The following PSME4 variants were observed in gnomAD, a reference collection of about 807,000 sequenced individuals.
PSME4 encodes the protein proteasome activator subunit 4.
PSME4 carries 89 observed loss-of-function variants against 253.9 expected under a neutral mutation model. The observed-to-expected ratio is 0.35, with a 90% confidence interval of 0.30 to 0.42. The LOEUF is 0.42. Ranked by LOEUF, PSME4 falls within the 10% of genes least tolerant of loss-of-function variation. The pLI, the probability that PSME4 is intolerant of heterozygous loss-of-function variation, is 1.00. For missense variants in PSME4, 2,014 were observed against 2,195.2 expected, an observed-to-expected ratio of 0.92 and a Z score of 1.65; for synonymous variants, 851 against 759.2, an observed-to-expected ratio of 1.12 and a Z score of -1.99.
At position 53,908,615 on chromosome 2, in the gene PSME4, A is replaced by G. The variant is rs771837632; in HGVS notation, c.2630-50T>C. 79 of 1,547,970 alleles carry G rather than the reference A, an allele frequency of 5.1e-5. 1 individual carries two copies. Among genetic ancestry groups the G allele is most frequent in the African/African-American group, 6.9e-5 (5 of 72,024 alleles). On this transcript the variant is annotated intron_variant, in intron 22 of 46. Coordinates refer to ENST00000404125, the MANE Select transcript of PSME4 (RefSeq NM_014614.3). ...TTTGGTTAAAATATTTTGAACTACT[A>G]TAAGAATCTTGAGGCATTAGTCAAG...
At chr2:53,898,077 A>T in intron 30 of PSME4, 78 bp from the exon 31 acceptor site, 2 of 1,471,164 alleles carry the variant, frequency 1.4e-6, no homozygotes, top group Non-Finnish European at 1.9e-6. Context: ...GAAACACCTT[A>T]TAATTTTAAA....
chr2:53,965,732 C>A (rs1053384951), intron 1 of PSME4, among the ~76,000 whole-genome samples: 3 of 149,472 alleles, frequency 2.0e-5, no homozygotes, highest in African/African-American at 7.4e-5. Flanking sequence ...ATGGTGCAAT[C>A]GCAGCTCACT....
At chr2:53,956,658 C>T (rs112780460) in intron 1 of PSME4, among the ~76,000 whole-genome samples, 6 of 151,724 alleles carry the variant, frequency 4.0e-5, no homozygotes, top group African/African-American at 9.7e-5. Flanking sequence ...CTGCAACGTC[C>T]GCCTCCCAAG....
intron 1 of PSME4, among the ~76,000 whole-genome samples, chr2:53,960,598 G>T (rs529100372): frequency 6.6e-6 from 1 of 152,258 alleles, no homozygotes. Flanking sequence ...GAACAGCATG[G>T]TTCTACAACT....
chr2:53,947,367 G>T (rs978429364), intron 3 of PSME4, among the ~76,000 whole-genome samples: 4 of 152,150 alleles, frequency 2.6e-5, no homozygotes, highest in African/African-American at 4.8e-5. Context: ...TTATAAAAAA[G>T]AAAAAGGAAA....
Position 53,871,408 on chromosome 2 carries a change from C to A in PSME4, c.5101-1870G>T, listed in dbSNP as rs186962691. 2.0e-4 allele frequency among the ~76,000 whole-genome samples: 31 copies of A among 152,166 alleles called. No individual in the cohort carries two copies. The East Asian group carries it at 5.1e-3, about 25-fold the overall frequency. On this transcript the variant is annotated intron_variant, in intron 43 of 46. Transcript: ENST00000404125. The stretch of plus-strand genomic sequence containing the variant: ...TGGGACTACAGCTACAACCCGCTGC[C>A]ACGCCTGGCTAATTTTTTTGTATTT...
chr2:53,937,612 G>A, intron 4 of PSME4, 72 bp from the exon 5 acceptor site: 1 of 1,413,282 alleles, frequency 7.1e-7, no homozygotes, highest in Non-Finnish European at 9.8e-7. Flanking sequence ...ATATATAACT[G>A]ACCAAAAGGC....
At chr2:53,921,535 A>G (rs1052484136) in intron 17 of PSME4, among the ~76,000 whole-genome samples, 1 of 141,314 alleles carries the variant, frequency 7.1e-6, no homozygotes, top group Non-Finnish European at 1.5e-5. Context: ...GTGAGCCACC[A>G]CGCCTGGCCC....
At chr2:53,924,737 T>G (rs1668482090) in intron 14 of PSME4, among the ~76,000 whole-genome samples, 1 of 152,186 alleles carries the variant, frequency 6.6e-6, no homozygotes, top group Non-Finnish European at 1.5e-5. Flanking sequence ...ACTCGTCACT[T>G]ACATTAGGTA....
In PSME4 at chr2:53,910,099, T is replaced by C. The variant is rs764115343; in HGVS notation, c.2548A>G (p.Lys850Glu). The change falls in exon 21 of 47, where the codon AAG (lysine) becomes GAG (glutamate). Residue 850 changes from lysine to glutamate, a missense_variant. Physicochemically the swap from Lys to Glu is moderately conservative, Grantham distance 56. This residue lies in a region of PSME4 where 989 missense variants were observed against 1,021.1 expected (regional missense o/e 0.97). Coordinates refer to ENST00000404125, the MANE Select transcript of PSME4 (RefSeq NM_014614.3). ...CCATATTCAAGTCCAGTATACAACT[T>C]TGTCTCTTCCAAGGACACCATACTT... ...VPSMVSLEETKLYTGLEYDLS... is the reference protein window; with the variant it reads ...VPSMVSLEETELYTGLEYDLS... The C allele has an allele frequency of 9.9e-6, 16 of 1,608,586 alleles. No individual in the cohort carries two copies. The highest frequency in any genetic ancestry group is 8.0e-5 in the African/African-American group (6 of 74,836).
In PSME4 at chr2:53,895,747, G is replaced by C. The variant is rs772498447; in HGVS notation, c.3689-11C>G. The stretch of plus-strand genomic sequence containing the variant: ...GTTTAGGGCATCCACCTAAGGAAAA[G>C]ACAATCACATTTGATGAATTTAAAA... On this transcript the variant is annotated splice_polypyrimidine_tract_variant and intron_variant, in intron 32 of 46. Transcript: ENST00000404125. The C allele has an allele frequency of 5.8e-6, 9 of 1,563,456 alleles. No individual in the cohort carries two copies. The highest frequency in any genetic ancestry group is 7.8e-6 in the Non-Finnish European group (9 of 1,159,568).
At position 53,887,986 on chromosome 2, in the gene PSME4, T is replaced by C; in HGVS notation, c.4392A>G (p.Arg1464=). ...CAAGGCCACCTTGTAGTACATAAAG[T>C]CGACTAAAATTAAAGCATCGTAGTG... is the stretch of plus-strand genomic sequence containing the variant. The part of the protein sequence containing the change: ...GEGGSFVDAC[R]LYVLQGGLAQ... Residue 1464 remains arginine (R), a synonymous_variant, in exon 39 of 47, where the codon CGA becomes CGG. Transcript: ENST00000404125. The C allele has an allele frequency of 6.2e-7, 1 of 1,609,632 alleles. No homozygotes were observed. Among genetic ancestry groups the C allele is most frequent in the African/African-American group, 1.3e-5 (1 of 74,764 alleles).
chr2:53,922,479 T>C (rs1407409199), intron 17 of PSME4, 38 bp downstream of exon 17: 2 of 1,596,980 alleles, frequency 1.3e-6, no homozygotes, highest in Non-Finnish European at 8.6e-7. Context: ...AGTCAGTGTT[T>C]TCACAGTCAT....
At chr2:53,970,481 TC>T in intron 1 of PSME4, 61 bp downstream of exon 1, 1 of 1,545,348 alleles carries the variant, frequency 6.5e-7, no homozygotes, top group Admixed American at 2.0e-5. Flanking sequence ...AGAGCAACCA[TC>T]CCCGACACCT....
chr2:53,908,424 T>C lies in PSME4; in HGVS notation c.2686-6A>G. 1.9e-6 allele frequency: 3 copies of C among 1,612,622 alleles called. No individual in the cohort carries two copies. Among genetic ancestry groups the C allele is most frequent in the Non-Finnish European group, 1.7e-6 (2 of 1,179,242 alleles). ...TGTAAAAGGTCTCCAATAATCTGTG[T>C]CAAAGAATTTCAAATTGTATTTGCA... On this transcript the variant is annotated splice_polypyrimidine_tract_variant and splice_region_variant and intron_variant, in intron 23 of 46. Transcript: ENST00000404125.
At chr2:53,940,959 A>ATATATAATACATATT (rs1669400771) in intron 3 of PSME4, among the ~76,000 whole-genome samples, 1 of 24,850 alleles carries the variant, frequency 4.0e-5, no homozygotes, top group Non-Finnish European at 7.1e-5. Context: ...ATACATATAT[A>ATATATAATACATATT]TATATATATA....
intron 1 of PSME4, among the ~76,000 whole-genome samples, chr2:53,968,575 C>G (rs1238228643): frequency 6.6e-6 from 1 of 152,152 alleles, no homozygotes; most frequent in African/African-American, 2.4e-5. Flanking sequence ...CCCAAGATCA[C>G]AACATGTCCC....
chr2:53,950,973 G>A (rs906007453), intron 1 of PSME4, among the ~76,000 whole-genome samples: 2 of 152,184 alleles, frequency 1.3e-5, no homozygotes, highest in Non-Finnish European at 2.9e-5. Context: ...ACCCCTGGAG[G>A]AGGGTCATTT....
chr2:53,918,795 A>G (rs933552469), intron 20 of PSME4, among the ~76,000 whole-genome samples: 3 of 152,244 alleles, frequency 2.0e-5, no homozygotes, highest in Non-Finnish European at 2.9e-5. Context: ...TTTTTGCTAC[A>G]AAATTCTGAA....
Sources: allele counts gnomAD v4.1 joint callset (sites outside exome capture counted in the v4.1 genomes callset), GRCh38; gene constraint gnomAD v4.1.1; regional missense constraint gnomAD v4.1.1; transcripts MANE v1.5; gene names NCBI Gene and HGNC (gene_info 2026-07-23, HGNC 2026-07-21).